The following RLIG1 variants were observed in gnomAD, a reference collection of about 807,000 sequenced individuals.
The protein encoded by RLIG1 is RNA 5'-phosphate and 3'-OH ligase 1.
chr12:88,049,717 A>C, the RLIG1 span: 1,188 of 189,212 alleles, frequency 6.3e-3, 20 homozygotes, highest in African/African-American at 0.026. Context: ...TCAATAGAGC[A>C]ATCAATCAAA....
chr12:88,037,274 C>T, the RLIG1 span, among the ~76,000 whole-genome samples: 1 of 152,086 alleles, frequency 6.6e-6, no homozygotes, highest in Non-Finnish European at 1.5e-5. Context: ...CAGTGATTTC[C>T]CCTACCCAGA....
At chr12:88,042,951 A>G in the RLIG1 span, 22 of 1,366,876 alleles carry the variant, frequency 1.6e-5, no homozygotes, top group Admixed American at 1.4e-4. Context: ...TCATGTTTAA[A>G]TAGCTGAAAT....
the RLIG1 span, chr12:88,045,459 A>G: frequency 2.7e-4 from 184 of 687,604 alleles, 1 homozygote; most frequent in African/African-American, 3.0e-3. Context: ...TTTTAAAGTA[A>G]TATCTCTTTG....
the RLIG1 span, chr12:88,043,062 GGATAT>G: frequency 2.4e-6 from 1 of 416,758 alleles, no homozygotes; most frequent in Non-Finnish European, 4.2e-6. Context: ...ATATATAAAA[GGATAT>G]TATTGAAAAA....
the RLIG1 span, among the ~76,000 whole-genome samples, chr12:88,047,509 C>T: frequency 2.2e-3 from 338 of 152,078 alleles, 1 homozygote; most frequent in South Asian, 0.011. Flanking sequence ...TAATTTTAAC[C>T]CCTCTTTTCA....
the RLIG1 span, chr12:88,042,347 C>T: frequency 6.6e-6 from 1 of 152,344 alleles, no homozygotes; most frequent in Non-Finnish European, 1.5e-5. Flanking sequence ...CCTGCAACTC[C>T]TCAGATCCAT....
chr12:88,048,461 T>A, the RLIG1 span: 1 of 1,008,476 alleles, frequency 9.9e-7, no homozygotes, highest in Non-Finnish European at 1.4e-6. Flanking sequence ...ATTCTAATCT[T>A]GAATATTCTA....
the RLIG1 span, chr12:88,042,983 G>T: frequency 1.0e-6 from 1 of 1,003,902 alleles, no homozygotes; most frequent in South Asian, 1.8e-5. Context: ...TTATTGCTGT[G>T]GTATTTCTAT....
At chr12:88,048,246 C>CATCT in the RLIG1 span, 1 of 1,555,608 alleles carries the variant, frequency 6.4e-7, no homozygotes, top group South Asian at 1.3e-5. Context: ...CCATCGCCAT[C>CATCT]ATCTTGGCTT....
chr12:88,040,524 A>G, the RLIG1 span, among the ~76,000 whole-genome samples: 10 of 152,136 alleles, frequency 6.6e-5, no homozygotes, highest in Admixed American at 1.3e-4. Context: ...ATTATCTCCA[A>G]TTTGTACAAG....
the RLIG1 span, chr12:88,042,766 TGTCTTTC>T: frequency 1.8e-6 from 2 of 1,101,948 alleles, no homozygotes; most frequent in African/African-American, 3.3e-5. Flanking sequence ...TATTCTGAAA[TGTCTTTC>T]AAGATAAGTT....
chr12:88,047,724 A>G, the RLIG1 span, among the ~76,000 whole-genome samples: 1 of 152,134 alleles, frequency 6.6e-6, no homozygotes, highest in Non-Finnish European at 1.5e-5. Flanking sequence ...GTTCAGTTAC[A>G]TTAAACATTC....
chr12:88,045,827 AAG>A, the RLIG1 span: 2 of 1,483,388 alleles, frequency 1.3e-6, no homozygotes, highest in Non-Finnish European at 1.9e-6. Flanking sequence ...GACATTTATA[AAG>A]AGAACTTTCT....
chr12:88,035,955 G>C, the RLIG1 span: 3 of 1,524,144 alleles, frequency 2.0e-6, no homozygotes, highest in South Asian at 3.6e-5. Flanking sequence ...GGGAATTTGC[G>C]AAAGAATTTT....
At chr12:88,046,936 A>G in the RLIG1 span, 1 of 1,612,468 alleles carries the variant, frequency 6.2e-7, no homozygotes, top group Admixed American at 1.7e-5. Context: ...GGTAAAATTG[A>G]AGGAATAGTG....
the RLIG1 span, chr12:88,048,414 G>C: frequency 1.3e-3 from 1,811 of 1,408,202 alleles, 1 homozygote; most frequent in Non-Finnish European, 1.7e-3. Flanking sequence ...TATAATATTT[G>C]ATGTATAAAA....
At chr12:88,049,864 G>A in the RLIG1 span, 1 of 157,298 alleles carries the variant, frequency 6.4e-6, no homozygotes, top group African/African-American at 2.4e-5. Flanking sequence ...TATGATCAGG[G>A]AAACCTTTGG....
At chr12:88,042,255 A>C in the RLIG1 span, 4 of 152,310 alleles carry the variant, frequency 2.6e-5, no homozygotes, top group South Asian at 2.1e-4. Context: ...GCTGATGCTC[A>C]GCTTCAACAG....
chr12:88,039,392 C>G, the RLIG1 span, among the ~76,000 whole-genome samples: 1 of 152,076 alleles, frequency 6.6e-6, no homozygotes, highest in Non-Finnish European at 1.5e-5. Context: ...TAGATTGACT[C>G]TTGGGAAAAC....
Sources: allele counts gnomAD v4.1 joint callset (sites outside exome capture counted in the v4.1 genomes callset), GRCh38; gene constraint gnomAD v4.1.1; transcripts MANE v1.5; gene names NCBI Gene and HGNC (gene_info 2026-07-23, HGNC 2026-07-21).